SH3BGRL2: variants seen among roughly 807,000 people sequenced by gnomAD.
The protein encoded by SH3BGRL2 is SH3 domain binding glutamate rich protein like 2, also known as SH3 domain-binding glutamic acid-rich-like protein 2.
A neutral mutation model predicts 14.8 loss-of-function variants in SH3BGRL2; 21 were observed. That is an observed-to-expected ratio of 1.42 (90% CI 1.01 to 2.05). The LOEUF (loss-of-function observed/expected upper bound fraction) is 2.05, where lower values mean the gene tolerates loss of function less well. Ranked by LOEUF, SH3BGRL2 falls within the 30% of genes most tolerant of loss-of-function variation. SH3BGRL2 has a pLI of 0.00. For missense variants in SH3BGRL2, 147 were observed against 130.8 expected, an observed-to-expected ratio of 1.12 and a Z score of -0.61; for synonymous variants, 50 against 47.8, an observed-to-expected ratio of 1.05 and a Z score of -0.19.
At chr6:79,588,284 C>CT in the SH3BGRL2 span, among the ~76,000 whole-genome samples, 2 of 81,916 alleles carry the variant, frequency 2.4e-5, no homozygotes, top group Non-Finnish European at 5.1e-5. Flanking sequence ...GAACAAGACT[C>CT]TGTCTAAAAA....
chr6:79,604,926 G>T, the SH3BGRL2 span, among the ~76,000 whole-genome samples: 91 of 152,304 alleles, frequency 6.0e-4, no homozygotes, highest in Admixed American at 1.0e-3. Flanking sequence ...TAGGTAGGAG[G>T]TGGAGTGTAC....
chr6:79,564,106 A>G, the SH3BGRL2 span, among the ~76,000 whole-genome samples: 1 of 152,180 alleles, frequency 6.6e-6, no homozygotes, highest in African/African-American at 2.4e-5. Flanking sequence ...GGTAACTCAT[A>G]CTGAATAGTA....
the SH3BGRL2 span, among the ~76,000 whole-genome samples, chr6:79,610,783 A>G: frequency 1.3e-5 from 2 of 152,228 alleles, no homozygotes; most frequent in Non-Finnish European, 2.9e-5. Flanking sequence ...GGTCAGTCCC[A>G]TAACTTACAT....
At chr6:79,668,742 GT>G (rs975971907) in intron 1 of SH3BGRL2, among the ~76,000 whole-genome samples, 3 of 152,086 alleles carry the variant, frequency 2.0e-5, no homozygotes, top group Non-Finnish European at 4.4e-5. Context: ...AACACTTCTT[GT>G]TTTGTTATGC....
At chr6:79,679,692 A>G (rs1300682749) in intron 2 of SH3BGRL2, among the ~76,000 whole-genome samples, 2 of 152,064 alleles carry the variant, frequency 1.3e-5, no homozygotes, top group East Asian at 1.9e-4. Flanking sequence ...GCCTACCAAC[A>G]TTACCTACCA....
At chr6:79,576,033 G>A in the SH3BGRL2 span, among the ~76,000 whole-genome samples, 5 of 151,706 alleles carry the variant, frequency 3.3e-5, no homozygotes, top group African/African-American at 1.2e-4. Flanking sequence ...TTAAAACATT[G>A]CTATGTAACT....
the SH3BGRL2 span, among the ~76,000 whole-genome samples, chr6:79,600,257 T>A: frequency 0.21 from 31,866 of 152,208 alleles, 3,540 homozygotes; most frequent in African/African-American, 0.23. Flanking sequence ...GAATCTGCCT[T>A]TCTTTACCTA....
At chr6:79,675,007 G>A (rs1769852540) in intron 2 of SH3BGRL2, among the ~76,000 whole-genome samples, 1 of 152,160 alleles carries the variant, frequency 6.6e-6, no homozygotes, top group African/African-American at 2.4e-5. Context: ...TGAGAGAAGT[G>A]TGTGGTAACC....
At chr6:79,540,701 G>A in the SH3BGRL2 span, among the ~76,000 whole-genome samples, 1 of 152,046 alleles carries the variant, frequency 6.6e-6, no homozygotes, top group Admixed American at 6.6e-5. Flanking sequence ...ACAACATAAT[G>A]CTGGTCATCG....
chr6:79,559,756 G>A, the SH3BGRL2 span, among the ~76,000 whole-genome samples: 1 of 152,148 alleles, frequency 6.6e-6, no homozygotes, highest in Non-Finnish European at 1.5e-5. Flanking sequence ...AATACACATG[G>A]AGATATTTAG....
At chr6:79,603,968 G>A in the SH3BGRL2 span, among the ~76,000 whole-genome samples, 1 of 152,114 alleles carries the variant, frequency 6.6e-6, no homozygotes, top group African/African-American at 2.4e-5. Context: ...CCACACCTGG[G>A]CAATTTTTGT....
At chr6:79,683,019 GGC>G (rs1562157013) in intron 2 of SH3BGRL2, among the ~76,000 whole-genome samples, 9 of 152,142 alleles carry the variant, frequency 5.9e-5, no homozygotes, top group Non-Finnish European at 1.2e-4. Flanking sequence ...TTGGACACAG[GGC>G]AGGGAACATC....
At chr6:79,659,964 G>A (rs1009969488) in intron 1 of SH3BGRL2, among the ~76,000 whole-genome samples, 2 of 152,248 alleles carry the variant, frequency 1.3e-5, no homozygotes, top group Middle Eastern at 6.8e-3. Context: ...GTATAAGAAT[G>A]CTTGTGATTT....
the SH3BGRL2 span, among the ~76,000 whole-genome samples, chr6:79,556,848 A>G: frequency 6.6e-6 from 1 of 151,870 alleles, no homozygotes; most frequent in African/African-American, 2.4e-5. Flanking sequence ...ACATCTTTTA[A>G]AAAGAAACAT....
At chr6:79,602,546 A>G in the SH3BGRL2 span, among the ~76,000 whole-genome samples, 1 of 152,196 alleles carries the variant, frequency 6.6e-6, no homozygotes, top group Non-Finnish European at 1.5e-5. Context: ...CAGATTTGTA[A>G]TTAATATGCT....
At chr6:79,692,907 C>G (rs989968185) in intron 2 of SH3BGRL2, among the ~76,000 whole-genome samples, 19 of 152,154 alleles carry the variant, frequency 1.2e-4, no homozygotes, top group East Asian at 1.2e-3. Flanking sequence ...GTCATTGGTA[C>G]CTTGATGGGG....
At chr6:79,589,206 A>ATT in the SH3BGRL2 span, among the ~76,000 whole-genome samples, 2,313 of 141,412 alleles carry the variant, frequency 0.016, 43 homozygotes, top group African/African-American at 0.047. Context: ...ATATATATAT[A>ATT]TTTTTTTTTT....
chr6:79,617,821 G>A, the SH3BGRL2 span, among the ~76,000 whole-genome samples: 1 of 152,162 alleles, frequency 6.6e-6, no homozygotes, highest in Non-Finnish European at 1.5e-5. Flanking sequence ...ACTTCAAATT[G>A]CAACAATCAG....
chr6:79,678,423 A>G (rs1420708471), intron 2 of SH3BGRL2, among the ~76,000 whole-genome samples: 5 of 152,176 alleles, frequency 3.3e-5, no homozygotes, highest in African/African-American at 9.7e-5. Context: ...TTCACTTAGC[A>G]TATCTTCAAG....
Sources: gnomAD v4.1 joint callset for allele counts (sites outside exome capture counted in the v4.1 genomes callset) on GRCh38, gnomAD v4.1.1 for gene constraint, MANE v1.5 for transcripts, NCBI Gene and HGNC (gene_info 2026-07-23, HGNC 2026-07-21) for gene names.